The following EXT2 variants were observed in gnomAD, a reference collection of about 807,000 sequenced individuals.
EXT2 encodes the protein exostosin-2.
Under a neutral mutation model 81.6 loss-of-function variants are expected in EXT2, and 53 were observed. The ratio of observed to expected loss-of-function variants is 0.65; its 90% confidence interval spans 0.52 to 0.82. EXT2 has a LOEUF of 0.82. EXT2 is among the 40% of genes least tolerant of loss of function. EXT2 has a pLI of 0.00. For synonymous variants in EXT2, 320 were observed against 340.0 expected, an observed-to-expected ratio of 0.94 and a Z score of 0.65; for missense variants, 774 against 910.2, an observed-to-expected ratio of 0.85 and a Z score of 1.93.
chr11:44,203,813 T>G (rs769223447), intron 9 of EXT2, among the ~76,000 whole-genome samples: 9 of 152,194 alleles, frequency 5.9e-5, no homozygotes, highest in East Asian at 1.9e-4. Context: ...GCCACCCCCA[T>G]GCGCTGCACT....
chr11:44,234,029 C>T lies in EXT2; in HGVS notation c.1807-86C>T. 2.5e-6 allele frequency: 4 copies of T among 1,585,388 alleles called. No homozygotes were observed. The South Asian group carries it at 3.4e-5, about 13-fold the overall frequency. ...TAATCTTATGAGAGAAAGCTTGTCCCCATGCCTTGGCTATGCTGCCCCTTA... is the reference window on the plus strand; with the variant it reads ...TAATCTTATGAGAGAAAGCTTGTCCTCATGCCTTGGCTATGCTGCCCCTTA... On this transcript the variant is annotated intron_variant, in intron 11 of 13. Transcript: ENST00000533608.
At chr11:44,156,594 T>G (rs1480114045) in intron 7 of EXT2, among the ~76,000 whole-genome samples, 1 of 152,218 alleles carries the variant, frequency 6.6e-6, no homozygotes, top group Non-Finnish European at 1.5e-5. Flanking sequence ...TTTGTTAAAT[T>G]TATCTGTTAG....
At chr11:44,178,499 A>G (rs1194860761) in intron 8 of EXT2, among the ~76,000 whole-genome samples, 1 of 152,184 alleles carries the variant, frequency 6.6e-6, no homozygotes, top group Non-Finnish European at 1.5e-5. Flanking sequence ...GGCTGCCTAT[A>G]CTTAGATGTC....
intron 8 of EXT2, among the ~76,000 whole-genome samples, chr11:44,195,761 A>G (rs1238324729): frequency 1.3e-5 from 2 of 152,220 alleles, no homozygotes; most frequent in Non-Finnish European, 2.9e-5. Flanking sequence ...ATAATAGCAG[A>G]TAGGACATTT....
At chr11:44,133,152 G>A (rs1373053824) in intron 7 of EXT2, among the ~76,000 whole-genome samples, 3 of 152,226 alleles carry the variant, frequency 2.0e-5, no homozygotes, top group Admixed American at 6.5e-5. Flanking sequence ...TCTATAGATA[G>A]TTAATGTCTC....
chr11:44,112,403 G>T (rs1954157748), intron 3 of EXT2, among the ~76,000 whole-genome samples: 2 of 152,180 alleles, frequency 1.3e-5, no homozygotes, highest in Admixed American at 6.5e-5. Context: ...TTTCTTTTCA[G>T]TCTCTTGCAG....
At chr11:44,199,886 G>T (rs974867597) in intron 9 of EXT2, among the ~76,000 whole-genome samples, 4 of 152,124 alleles carry the variant, frequency 2.6e-5, no homozygotes, top group African/African-American at 9.7e-5. Flanking sequence ...ATTTTTAAAA[G>T]ATTTTGACTC....
intron 12 of EXT2, among the ~76,000 whole-genome samples, chr11:44,234,455 T>C (rs1016118462): frequency 2.0e-5 from 3 of 152,202 alleles, no homozygotes; most frequent in Non-Finnish European, 4.4e-5. Flanking sequence ...ATACAGTTTC[T>C]TTAGTTGCAG....
chr11:44,216,583 C>A (rs1214818127), intron 10 of EXT2, among the ~76,000 whole-genome samples: 7 of 152,086 alleles, frequency 4.6e-5, no homozygotes, highest in Non-Finnish European at 1.0e-4. Context: ...TGAGGAATAA[C>A]GTGCAGATTC....
intron 13 of EXT2, among the ~76,000 whole-genome samples, chr11:44,243,606 T>G (rs1303317509): frequency 6.6e-6 from 1 of 150,790 alleles, no homozygotes; most frequent in East Asian, 1.9e-4. Context: ...GTTTGAAATT[T>G]GGCCCTGTCA....
At chr11:44,231,586 A>G (rs1043499028) in intron 10 of EXT2, among the ~76,000 whole-genome samples, 19 of 152,340 alleles carry the variant, frequency 1.2e-4, no homozygotes, top group African/African-American at 4.3e-4. Context: ...CCGAATTCTC[A>G]GAAGTCTGGT....
At position 44,245,320 on chromosome 11, in the gene EXT2, T is replaced by G. The variant is rs1956084244; in HGVS notation, c.*1033T>G. On this transcript the variant is annotated 3_prime_UTR_variant, in exon 14 of 14. Transcript: ENST00000533608. ...TTTCTCTCATTCTTTTGGTATAAAC[T>G]TAACATTAGCCAGGGAGGTTCTGGC... is the stretch of plus-strand genomic sequence containing the variant. 1 of 220,282 alleles carries G rather than the reference T, an allele frequency of 4.5e-6. No homozygotes were observed. The highest frequency in any genetic ancestry group is 1.9e-4 in the South Asian group (1 of 5,404). The allele number at this position is 220,282 out of a possible 1,614,324, so 13.6% of individuals were successfully genotyped here. A position where few individuals can be genotyped will look rare whatever the true frequency, so the allele number is the denominator to read the frequency against.
chr11:44,197,841 G>T lies in EXT2; in HGVS notation c.1318G>T (p.Val440Leu), dbSNP rs776355667. The T allele has an allele frequency of 6.2e-7, 1 of 1,613,960 alleles. No individual in the cohort carries two copies. The highest frequency in any genetic ancestry group is 8.5e-7 in the Non-Finnish European group (1 of 1,179,932). The change falls in exon 9 of 14, where the codon GTG (valine) becomes TTG (leucine). Residue 440 changes from valine to leucine, a missense_variant. Coordinates refer to ENST00000533608, the MANE Select transcript of EXT2 (RefSeq NM_207122.2). Reference protein sequence around the residue: ...NDPPAVKWGSVSNPLFLPLIP... With the variant: ...NDPPAVKWGSLSNPLFLPLIP... ...TGTCCTCTTGTAGAAGTGGGGCAGC[G>T]TGAGCAATCCACTCTTCCTCCCGCT...
chr11:44,201,035 A>T (rs1204337403), intron 9 of EXT2, among the ~76,000 whole-genome samples: 3 of 152,210 alleles, frequency 2.0e-5, no homozygotes, highest in Non-Finnish European at 4.4e-5. Flanking sequence ...GTTTTTCATA[A>T]ATTCTGCAAC....
Position 44,171,996 on chromosome 11 carries a change from G to C in EXT2, c.1305+254G>C, listed in dbSNP as rs12791572. 0.035 allele frequency: 18,217 copies of C among 517,946 alleles called. 371 individuals carry two copies. The highest frequency in any genetic ancestry group is 0.06 in the Middle Eastern group (110 of 1,836). The allele number at this position is 517,946 out of a possible 1,614,324, so 32.1% of individuals were successfully genotyped here. On this transcript the variant is annotated intron_variant, in intron 8 of 13. Transcript: ENST00000533608. ...GTCTATTTATTGCAGAGATAAGTAA[G>C]GAGGCATGGGTCTTGTTGGAAATCA...
At chr11:44,180,301 CTG>C in intron 8 of EXT2, among the ~76,000 whole-genome samples, 1 of 152,230 alleles carries the variant, frequency 6.6e-6, no homozygotes, top group Middle Eastern at 3.4e-3. Flanking sequence ...ACCGTTATGA[CTG>C]TGTCATCATT....
chr11:44,136,985 T>C (rs981139052), intron 7 of EXT2, among the ~76,000 whole-genome samples: 2 of 152,178 alleles, frequency 1.3e-5, no homozygotes, highest in Non-Finnish European at 2.9e-5. Context: ...TTCACAGTTT[T>C]TTTTTTTCAG....
chr11:44,226,112 A>G (rs1258119277), intron 10 of EXT2, among the ~76,000 whole-genome samples: 2 of 152,178 alleles, frequency 1.3e-5, no homozygotes, highest in African/African-American at 2.4e-5. Flanking sequence ...TGCCATCTTC[A>G]TGGCACCTGG....
At chr11:44,187,151 C>T (rs574661148) in intron 8 of EXT2, among the ~76,000 whole-genome samples, 14 of 151,762 alleles carry the variant, frequency 9.2e-5, no homozygotes, top group African/African-American at 3.4e-4. Context: ...GATCCTCCCA[C>T]CTCAGCCTCC....
Sources: allele counts gnomAD v4.1 joint callset (sites outside exome capture counted in the v4.1 genomes callset), GRCh38; gene constraint gnomAD v4.1.1; transcripts MANE v1.5; gene names NCBI Gene and HGNC (gene_info 2026-07-23, HGNC 2026-07-21).